STK32A: variants seen among roughly 807,000 people sequenced by gnomAD.
The protein encoded by STK32A is serine/threonine kinase 32A.
A neutral mutation model predicts 53.2 loss-of-function variants in STK32A; 41 were observed. That is an observed-to-expected ratio of 0.77 (90% CI 0.60 to 1.00). The LOEUF is 1.00. STK32A is among the 50% of genes least tolerant of loss of function. The pLI is 0.00. For missense variants in STK32A, 458 were observed against 485.8 expected (o/e 0.94, Z 0.54); for synonymous variants, 166 against 162.8 (o/e 1.02, Z -0.15).
chr5:147,325,313 T>TTA (rs71868616), intron 5 of STK32A, among the ~76,000 whole-genome samples: 1,721 of 147,354 alleles, frequency 0.012, 6 homozygotes, highest in Middle Eastern at 0.021. Flanking sequence ...TTTTAAACCT[T>TTA]TATATATATA....
intron 4 of STK32A, among the ~76,000 whole-genome samples, chr5:147,301,585 A>T (rs1753139335): frequency 1.3e-5 from 2 of 152,216 alleles, no homozygotes; most frequent in African/African-American, 4.8e-5. Flanking sequence ...TGAATATAAA[A>T]TAATACATAT....
chr5:147,339,443 C>T (rs754592256), intron 5 of STK32A, among the ~76,000 whole-genome samples: 5 of 152,334 alleles, frequency 3.3e-5, no homozygotes, highest in Non-Finnish European at 5.9e-5. Flanking sequence ...TCTGCTAGGG[C>T]AGCGTGGAAG....
downstream of STK32A, among the ~76,000 whole-genome samples, chr5:147,389,623 C>A (rs1017436488): frequency 6.6e-6 from 1 of 152,164 alleles, no homozygotes; most frequent in Non-Finnish European, 1.5e-5. Context: ...AATCCCAGCA[C>A]TTTGAGAGGC....
At position 147,280,598 on chromosome 5, in the gene STK32A, AAT is replaced by A. The variant is rs1752018014; in HGVS notation, c.260+1201_260+1202del. Among the ~76,000 whole-genome samples, 3 of 151,718 alleles carry A rather than the reference AAT, an allele frequency of 2.0e-5. No individual in the cohort carries two copies. In the South Asian group the frequency reaches 6.2e-4, roughly 32 times the overall value. ...AGGTACACAACTCCAGTGACCTGGG[AAT>A]CCCACCCCCATTCCCCACAGCAGCA... is the stretch of plus-strand genomic sequence containing the variant. On this transcript the variant is annotated intron_variant, in intron 4 of 12. Coordinates refer to ENST00000397936, the MANE Select transcript of STK32A (RefSeq NM_001112724.2).
chr5:147,314,740 C>CT (rs780298418), intron 4 of STK32A, among the ~76,000 whole-genome samples: 7,962 of 135,946 alleles, frequency 0.059, 419 homozygotes, highest in African/African-American at 0.13. Context: ...CTTTCTTTTT[C>CT]TTTTTTTTTT....
At chr5:147,377,514 G>A (rs908589576) in intron 11 of STK32A, among the ~76,000 whole-genome samples, 5 of 151,922 alleles carry the variant, frequency 3.3e-5, no homozygotes, top group African/African-American at 7.3e-5. Flanking sequence ...TTGAAAACTC[G>A]ACATTTAAAT....
At chr5:147,361,641 T>C in intron 8 of STK32A, 27 bp downstream of exon 8, 2 of 1,492,352 alleles carry the variant, frequency 1.3e-6, no homozygotes, top group Admixed American at 1.7e-5. Flanking sequence ...TCCTCTTTGG[T>C]TATTTTTCCA....
At chr5:147,286,292 C>T (rs1369829082) in intron 4 of STK32A, among the ~76,000 whole-genome samples, 45 of 151,180 alleles carry the variant, frequency 3.0e-4, no homozygotes, top group Admixed American at 2.9e-3. Flanking sequence ...GGGAGGGGGG[C>T]GAGGGATACA....
intron 4 of STK32A, among the ~76,000 whole-genome samples, chr5:147,290,434 A>C (rs1249321946): frequency 6.6e-6 from 1 of 152,096 alleles, no homozygotes; most frequent in African/African-American, 2.4e-5. Context: ...AAAGTAAATA[A>C]AATCTTCTTG....
intron 4 of STK32A, among the ~76,000 whole-genome samples, chr5:147,319,076 T>C (rs964952314): frequency 6.6e-6 from 1 of 152,106 alleles, no homozygotes; most frequent in African/African-American, 2.4e-5. Flanking sequence ...GCCATTAACC[T>C]TTGTTTTGCC....
chr5:147,273,524 A>G (rs1581024170), intron 2 of STK32A, among the ~76,000 whole-genome samples: 2 of 152,226 alleles, frequency 1.3e-5, no homozygotes, highest in East Asian at 3.8e-4. Context: ...ATGGCTTTGC[A>G]AAAACATTCA....
the STK32A span, among the ~76,000 whole-genome samples, chr5:147,395,228 C>T: frequency 2.6e-5 from 4 of 152,182 alleles, no homozygotes; most frequent in Admixed American, 6.5e-5. Flanking sequence ...TGTTGCATAG[C>T]GCTCATAGGC....
the STK32A span, chr5:147,398,992 C>A: frequency 6.6e-7 from 1 of 1,518,672 alleles, no homozygotes; most frequent in South Asian, 1.3e-5. Flanking sequence ...AGTCTAACTA[C>A]CCTGGCACAC....
the STK32A span, chr5:147,397,580 C>G: frequency 1.4e-6 from 2 of 1,400,112 alleles, no homozygotes; most frequent in African/African-American, 1.4e-5. Context: ...CTAGAGATCA[C>G]AGTGCCCTGT....
Position 147,277,824 on chromosome 5 carries a change from T to G in STK32A, c.53-300T>G, listed in dbSNP as rs550736266. On this transcript the variant is annotated intron_variant, in intron 2 of 12. Coordinates refer to ENST00000397936, the MANE Select transcript of STK32A (RefSeq NM_001112724.2). ...GGGAGCTTGAATTTTCCATTTATTTTTGTGACCATTTAGTCTATAAGAGTC... is the reference window on the plus strand; with the variant it reads ...GGGAGCTTGAATTTTCCATTTATTTGTGTGACCATTTAGTCTATAAGAGTC... 1.1e-4 allele frequency among the ~76,000 whole-genome samples: 16 copies of G among 152,318 alleles called. No individual in the cohort carries two copies. In the South Asian group the frequency reaches 3.3e-3, roughly 32 times the overall value.
intron 2 of STK32A, among the ~76,000 whole-genome samples, chr5:147,275,281 G>A (rs549818527): frequency 1.9e-3 from 285 of 151,338 alleles, no homozygotes; most frequent in Non-Finnish European, 3.2e-3. Context: ...TTCTTTTGTT[G>A]AACATTTAAA....
intron 7 of STK32A, among the ~76,000 whole-genome samples, chr5:147,359,466 T>C (rs1756397404): frequency 6.6e-6 from 1 of 152,190 alleles, no homozygotes; most frequent in South Asian, 2.1e-4. Flanking sequence ...AGAATACTCA[T>C]GTAAACCCCA....
chr5:147,308,814 G>C (rs934601213), intron 4 of STK32A, among the ~76,000 whole-genome samples: 3 of 151,344 alleles, frequency 2.0e-5, no homozygotes, highest in Non-Finnish European at 4.4e-5. Flanking sequence ...AGTGAAGCAA[G>C]TTGATTTGTA....
At chr5:147,277,320 T>C (rs1751799082) in intron 2 of STK32A, among the ~76,000 whole-genome samples, 1 of 152,194 alleles carries the variant, frequency 6.6e-6, no homozygotes, top group Non-Finnish European at 1.5e-5. Flanking sequence ...CAGGAGAATC[T>C]ATGATTTGTT....
Sources: gnomAD v4.1 joint callset for allele counts (sites outside exome capture counted in the v4.1 genomes callset) on GRCh38, gnomAD v4.1.1 for gene constraint, MANE v1.5 for transcripts, NCBI Gene and HGNC (gene_info 2026-07-23, HGNC 2026-07-21) for gene names.